Variants in PDE1C observed in about 807,000 individuals in gnomAD.
The protein encoded by PDE1C is phosphodiesterase 1C, also known as dual specificity calcium/calmodulin-dependent 3',5'-cyclic nucleotide phosphodiesterase 1C.
Under a neutral mutation model 93.1 loss-of-function variants are expected in PDE1C, and 62 were observed. The observed-to-expected ratio is 0.67, with a 90% CI of 0.54 to 0.82. The LOEUF (loss-of-function observed/expected upper bound fraction) is 0.82, where lower values mean the gene tolerates loss of function less well. Among genes scored for constraint, PDE1C ranks in the 40% least tolerant of loss-of-function variants. PDE1C has a pLI of 0.00. For missense variants in PDE1C, 742 were observed against 884.6 expected (o/e 0.84, Z 2.04); for synonymous variants, 325 against 310.1 (o/e 1.05, Z -0.50).
At chr7:32,306,536 A>C (rs1433173635) in intron 1 of PDE1C, among the ~76,000 whole-genome samples, 1 of 152,184 alleles carries the variant, frequency 6.6e-6, no homozygotes, top group Non-Finnish European at 1.5e-5. Flanking sequence ...GAATTATCAC[A>C]ACAGCCTCTC....
At position 31,983,611 on chromosome 7, in the gene PDE1C, C is replaced by T. The variant is rs770984071; in HGVS notation, c.128+67943G>A. Among the ~76,000 whole-genome samples the T allele has an allele frequency of 9.4e-5, 14 of 148,922 alleles. No homozygotes were observed. In the South Asian group the frequency reaches 1.1e-3, roughly 12 times the overall value. On this transcript the variant is annotated intron_variant, in intron 2 of 17. Coordinates refer to ENST00000396191, the MANE Select transcript of PDE1C (RefSeq NM_001191057.4). ...GCCTGGGTGACAGAGCAAGACCCTG[C>T]CTCTAAAAAAAATAATAATTTTTTT...
chr7:32,111,240 C>T (rs575125781), intron 3 of PDE1C, among the ~76,000 whole-genome samples: 2 of 152,242 alleles, frequency 1.3e-5, no homozygotes, highest in Admixed American at 1.3e-4. Flanking sequence ...AACTAGTTCA[C>T]CATCCCTAGA....
Position 32,036,331 on chromosome 7 carries a change from T to C in PDE1C, c.128+15223A>G, listed in dbSNP as rs868736159. ...AACAGGGATGTACAGAGAAAGAAAG[T>C]GCTTAGAGTGAGTTGTATAGCTTAA... On this transcript the variant is annotated intron_variant, in intron 2 of 17. Transcript: ENST00000396191. Among the ~76,000 whole-genome samples the C allele has an allele frequency of 4.6e-5, 7 of 152,258 alleles. 1 individual carries two copies. In the South Asian group the frequency reaches 1.2e-3, roughly 27 times the overall value.
chr7:32,046,347 G>A (rs538592697), intron 2 of PDE1C, among the ~76,000 whole-genome samples: 17 of 152,190 alleles, frequency 1.1e-4, no homozygotes, highest in Admixed American at 5.9e-4. Flanking sequence ...CAAGCACCAC[G>A]AATAATAAAC....
chr7:32,063,877 G>A (rs914534152), intron 1 of PDE1C, among the ~76,000 whole-genome samples: 8 of 152,058 alleles, frequency 5.3e-5, no homozygotes, highest in African/African-American at 1.4e-4. Context: ...TGTATAAGAC[G>A]TATCTTGTTT....
intron 1 of PDE1C, among the ~76,000 whole-genome samples, chr7:32,318,291 A>G (rs1783214903): frequency 6.6e-6 from 1 of 152,116 alleles, no homozygotes; most frequent in Non-Finnish European, 1.5e-5. Flanking sequence ...TCTGAGTGTG[A>G]TAAAATCCCT....
At chr7:32,249,619 C>G (rs1322634598) in intron 1 of PDE1C, among the ~76,000 whole-genome samples, 3 of 152,186 alleles carry the variant, frequency 2.0e-5, no homozygotes, top group Non-Finnish European at 4.4e-5. Context: ...CTATTTTTGT[C>G]AATTCTTCTT....
chr7:32,095,747 G>T (rs2128747374), intron 3 of PDE1C, among the ~76,000 whole-genome samples: 1 of 152,276 alleles, frequency 6.6e-6, no homozygotes, highest in African/African-American at 2.4e-5. Flanking sequence ...CTGAACTTGA[G>T]AAACAGGGTG....
At chr7:32,337,793 GA>G (rs1369446131) in intron 1 of PDE1C, among the ~76,000 whole-genome samples, 6 of 151,446 alleles carry the variant, frequency 4.0e-5, no homozygotes, top group Non-Finnish European at 7.4e-5. Flanking sequence ...AAAAAGATGG[GA>G]AAAAAAACAA....
chr7:31,736,200 G>A, the PDE1C span, among the ~76,000 whole-genome samples: 24 of 152,148 alleles, frequency 1.6e-4, 1 homozygote, highest in Non-Finnish European at 5.9e-5. Flanking sequence ...CTCGTTCCAG[G>A]TCTTGTACCA....
chr7:32,046,343 C>T (rs1474290941), intron 2 of PDE1C, among the ~76,000 whole-genome samples: 3 of 152,076 alleles, frequency 2.0e-5, no homozygotes, highest in African/African-American at 7.2e-5. Context: ...CTTTCAAGCA[C>T]CACGAATAAT....
intron 17 of PDE1C, among the ~76,000 whole-genome samples, chr7:31,766,047 C>T (rs1315030904): frequency 6.6e-6 from 1 of 152,058 alleles, no homozygotes; most frequent in Non-Finnish European, 1.5e-5. Context: ...TGTTAAGGAC[C>T]TAATGTTGTC....
intron 11 of PDE1C, among the ~76,000 whole-genome samples, chr7:31,829,057 T>G (rs1790052450): frequency 6.6e-6 from 1 of 152,162 alleles, no homozygotes; most frequent in South Asian, 2.1e-4. Context: ...TCTAAAAACT[T>G]GGGCCAGAGG....
intron 3 of PDE1C, among the ~76,000 whole-genome samples, chr7:32,133,543 A>G (rs1002035648): frequency 6.6e-6 from 1 of 152,188 alleles, no homozygotes; most frequent in African/African-American, 2.4e-5. Flanking sequence ...GAACCAGTGT[A>G]TAAATTTAGC....
chr7:32,299,402 T>G (rs1181564414), upstream of PDE1C: 2 of 985,422 alleles, frequency 2.0e-6, no homozygotes, highest in Non-Finnish European at 2.4e-6. Context: ...TAGTGTTTCT[T>G]CTCCACTGTC....
chr7:32,136,966 T>C (rs1210101127), intron 3 of PDE1C, among the ~76,000 whole-genome samples: 1 of 152,220 alleles, frequency 6.6e-6, no homozygotes, highest in Non-Finnish European at 1.5e-5. Context: ...CCAGGAGATT[T>C]TCTTTTTAAA....
At chr7:31,869,857 A>G (rs553954119) in intron 6 of PDE1C, among the ~76,000 whole-genome samples, 106 of 152,218 alleles carry the variant, frequency 7.0e-4, no homozygotes, top group South Asian at 1.5e-3. Context: ...CCTAGACCAT[A>G]TGTTAGGACA....
chr7:31,717,396 C>T, the PDE1C span, among the ~76,000 whole-genome samples: 1 of 152,162 alleles, frequency 6.6e-6, no homozygotes, highest in Non-Finnish European at 1.5e-5. Context: ...TCCCAAAATA[C>T]CATGCAAAGC....
At chr7:31,819,531 G>A (rs1788695518) in intron 14 of PDE1C, among the ~76,000 whole-genome samples, 1 of 152,060 alleles carries the variant, frequency 6.6e-6, no homozygotes, top group African/African-American at 2.4e-5. Context: ...CAAGAGATGT[G>A]CGGTTCATTT....
Sources: gnomAD v4.1 joint callset for allele counts (sites outside exome capture counted in the v4.1 genomes callset) on GRCh38, gnomAD v4.1.1 for gene constraint, MANE v1.5 for transcripts, NCBI Gene and HGNC (gene_info 2026-07-23, HGNC 2026-07-21) for gene names.